The following RNF220 variants were observed in gnomAD, a reference collection of about 807,000 sequenced individuals.
The protein encoded by RNF220 is ring finger protein 220.
In RNF220, 7 loss-of-function variants were observed where a neutral mutation model predicts 67.1. That is an observed-to-expected ratio of 0.10 (90% CI 0.06 to 0.20). The LOEUF is 0.20. RNF220 is among the 10% of genes least tolerant of loss of function. The pLI is 1.00. For synonymous variants in RNF220, 270 were observed against 283.2 expected, an observed-to-expected ratio of 0.95 and a Z score of 0.47; for missense variants, 565 against 740.3, an observed-to-expected ratio of 0.76 and a Z score of 2.75.
Position 44,600,746 on chromosome 1 carries a change from G to A in RNF220, c.626-13419G>A, listed in dbSNP as rs1053103847. 6.6e-6 allele frequency among the ~76,000 whole-genome samples: 1 copy of A among 152,012 alleles called. No individual in the cohort carries two copies. The highest frequency in any genetic ancestry group is 2.4e-5 in the African/African-American group (1 of 41,376). ...TGAGGCAGGAGAATCACTTGAACCC[G>A]GGAGGCAGAGGTTGCAGTGAGCTGA... On this transcript the variant is annotated intron_variant, in intron 2 of 14. Coordinates refer to ENST00000361799, the MANE Select transcript of RNF220 (RefSeq NM_018150.4). The surrounding 1 kb of genome is among the most constrained non-coding windows in gnomAD (Gnocchi z 4.0).
intron 2 of RNF220, among the ~76,000 whole-genome samples, chr1:44,415,607 T>TG (rs1279735748): frequency 2.0e-5 from 3 of 152,158 alleles, no homozygotes; most frequent in African/African-American, 7.2e-5. Context: ...TCTCTTCATA[T>TG]AAATATCTTT....
chr1:44,505,903 G>T (rs1401888161), intron 2 of RNF220, among the ~76,000 whole-genome samples: 1 of 150,070 alleles, frequency 6.7e-6, no homozygotes, highest in African/African-American at 2.5e-5. Context: ...CTCCCCCCAT[G>T]CCCTGCCCCA....
chr1:44,555,177 C>T (rs1662970453), intron 2 of RNF220, among the ~76,000 whole-genome samples: 1 of 151,934 alleles, frequency 6.6e-6, no homozygotes, highest in African/African-American at 2.4e-5. Flanking sequence ...AGGCCATTCT[C>T]CTACCTCAAC....
intron 2 of RNF220, among the ~76,000 whole-genome samples, chr1:44,486,545 G>A (rs1005773606): frequency 6.6e-6 from 1 of 152,180 alleles, no homozygotes. Flanking sequence ...TATGGACCCA[G>A]GGCCAAATAA....
intron 2 of RNF220, among the ~76,000 whole-genome samples, chr1:44,586,430 G>A (rs570248310): frequency 3.9e-5 from 6 of 152,192 alleles, no homozygotes; most frequent in African/African-American, 1.4e-4. Context: ...TAAGGATAGA[G>A]GGTGGTGTGG....
chr1:44,586,115 T>C (rs924294115), intron 2 of RNF220, among the ~76,000 whole-genome samples: 2 of 151,954 alleles, frequency 1.3e-5, no homozygotes, highest in African/African-American at 4.8e-5. Flanking sequence ...GTTTGGGGAG[T>C]CTAGGTAGTT....
intron 2 of RNF220, among the ~76,000 whole-genome samples, chr1:44,515,410 A>T (rs1659376875): frequency 6.6e-6 from 1 of 152,222 alleles, no homozygotes; most frequent in African/African-American, 2.4e-5. Flanking sequence ...CAGTAATAGC[A>T]GATAAAGTTG....
At position 44,417,811 on chromosome 1, in the gene RNF220, G is replaced by A. The variant is rs11210995; in HGVS notation, c.625+5089G>A. ...CCGGGGAGGCCAGGCCACGGGGTGG[G>A]CCCCGTTCGCTTACTTGCAAGGGAC... On this transcript the variant is annotated intron_variant, in intron 2 of 14. Transcript: ENST00000361799. This position sits in a 1 kb window ranked among gnomAD's most constrained non-coding sequence, Gnocchi z 4.0. Among the ~76,000 whole-genome samples, 3,063 of 152,242 alleles carry A rather than the reference G, an allele frequency of 0.02. 95 individuals are homozygous for A. Among genetic ancestry groups the A allele is most frequent in the African/African-American group, 0.069 (2,850 of 41,530 alleles).
At chr1:44,608,714 G>A (rs143625727) in intron 2 of RNF220, among the ~76,000 whole-genome samples, 2 of 152,282 alleles carry the variant, frequency 1.3e-5, no homozygotes, top group East Asian at 1.9e-4. Flanking sequence ...TGGATAAACC[G>A]ACATATAAAC....
chr1:44,524,103 T>G (rs1414412050), intron 2 of RNF220, among the ~76,000 whole-genome samples: 3 of 136,732 alleles, frequency 2.2e-5, no homozygotes, highest in African/African-American at 5.4e-5. Flanking sequence ...CAAATGTGAA[T>G]GGGGGGATGC....
chr1:44,646,005 TC>T (rs2148510319), intron 12 of RNF220, among the ~76,000 whole-genome samples: 1 of 152,284 alleles, frequency 6.6e-6, no homozygotes, highest in Admixed American at 6.5e-5. Flanking sequence ...CTGGCCTGGA[TC>T]CCTGGGAACC....
In RNF220 at chr1:44,649,585, A is replaced by T; in HGVS notation, c.1446-76A>T. On this transcript the variant is annotated intron_variant, in intron 12 of 14. Coordinates refer to ENST00000361799, the MANE Select transcript of RNF220 (RefSeq NM_018150.4). The surrounding 1 kb of genome is among the most constrained non-coding windows in gnomAD (Gnocchi z 5.9). ...GGACATTTATGTATTTGGTTCTGGA[A>T]TTCAAGGGAGGCGTAGGCTGGAGGT... The T allele has an allele frequency of 7.3e-7, 1 of 1,365,746 alleles. No homozygotes were observed. The highest frequency in any genetic ancestry group is 1.7e-5 in the Admixed American group (1 of 58,614). 84.6% of individuals were successfully genotyped at this position (1,365,746 alleles called of 1,614,324 possible).
intron 8 of RNF220, chr1:44,644,414 G>T: frequency 2.8e-6 from 1 of 358,218 alleles, no homozygotes; most frequent in Non-Finnish European, 5.2e-6. Context: ...GCAGGCCTGG[G>T]CTGAGTGTCC....
At chr1:44,563,448 T>A (rs1239447829) in intron 2 of RNF220, among the ~76,000 whole-genome samples, 1 of 152,160 alleles carries the variant, frequency 6.6e-6, no homozygotes. Flanking sequence ...CTGTTTCAAG[T>A]CCACCCAGGG....
At chr1:44,474,048 G>T (rs1418129043) in intron 2 of RNF220, among the ~76,000 whole-genome samples, 1 of 151,540 alleles carries the variant, frequency 6.6e-6, no homozygotes, top group South Asian at 2.1e-4. Context: ...TACCAACCAC[G>T]GATCAAAAAT....
chr1:44,549,130 T>A (rs1662410455), intron 2 of RNF220, among the ~76,000 whole-genome samples: 1 of 152,076 alleles, frequency 6.6e-6, no homozygotes, highest in South Asian at 2.1e-4. Context: ...GAGGCTGCAG[T>A]GAGCCAAGAT....
intron 2 of RNF220, among the ~76,000 whole-genome samples, chr1:44,563,029 T>C (rs1456845910): frequency 6.6e-6 from 1 of 152,090 alleles, no homozygotes; most frequent in East Asian, 1.9e-4. Context: ...AAAAACATGG[T>C]AATAAAAGTT....
intron 2 of RNF220, among the ~76,000 whole-genome samples, chr1:44,528,842 G>C (rs1660612426): frequency 6.8e-6 from 1 of 147,472 alleles, no homozygotes; most frequent in African/African-American, 2.5e-5. Context: ...TTTAACTCCT[G>C]ACCTCAGGCG....
intron 2 of RNF220, among the ~76,000 whole-genome samples, chr1:44,560,754 G>T (rs1663507010): frequency 6.6e-6 from 1 of 152,024 alleles, no homozygotes; most frequent in African/African-American, 2.4e-5. Flanking sequence ...TAGAGATGGG[G>T]TTTCACCATG....
Sources: allele counts gnomAD v4.1 joint callset (sites outside exome capture counted in the v4.1 genomes callset), GRCh38; gene constraint gnomAD v4.1.1; non-coding constraint Gnocchi (gnomAD v3.1); transcripts MANE v1.5; gene names NCBI Gene and HGNC (gene_info 2026-07-23, HGNC 2026-07-21).